RFPL1: variants seen among roughly 807,000 people sequenced by gnomAD.
The protein encoded by RFPL1 is ret finger protein-like 1.
Under a neutral mutation model 9.6 loss-of-function variants are expected in RFPL1, and 6 were observed. The ratio of observed to expected loss-of-function variants is 0.62; its 90% CI spans 0.34 to 1.23. The LOEUF is 1.23. Among genes scored for constraint, RFPL1 ranks in the 50% most tolerant of loss-of-function variants. The pLI, the probability that RFPL1 is intolerant of heterozygous loss-of-function variation, is 0.03. For missense variants in RFPL1, 352 were observed against 398.4 expected (o/e 0.88, Z 0.99); for synonymous variants, 145 against 149.4 (o/e 0.97, Z 0.22).
chr22:29,414,079 T>C, the RFPL1 span, among the ~76,000 whole-genome samples: 1 of 152,238 alleles, frequency 6.6e-6, no homozygotes, highest in African/African-American at 2.4e-5. Context: ...AATTTCTTTT[T>C]CTAACACTTT....
At chr22:29,395,897 T>C in the RFPL1 span, among the ~76,000 whole-genome samples, 1 of 151,998 alleles carries the variant, frequency 6.6e-6, no homozygotes, top group African/African-American at 2.4e-5. Flanking sequence ...TACTTGAACC[T>C]GGGTGGCAGA....
At chr22:29,389,673 A>AAG in the RFPL1 span, among the ~76,000 whole-genome samples, 2 of 148,530 alleles carry the variant, frequency 1.3e-5, no homozygotes, top group Non-Finnish European at 3.0e-5. Context: ...GCGACAGAGC[A>AAG]AGACTCCGTC....
the RFPL1 span, chr22:29,433,580 C>T: frequency 2.4e-4 from 39 of 163,808 alleles, no homozygotes; most frequent in Admixed American, 1.8e-3. Context: ...AACCTGCGCT[C>T]GGCCCACCAA....
the RFPL1 span, among the ~76,000 whole-genome samples, chr22:29,410,853 G>GA: frequency 4.0e-5 from 6 of 150,058 alleles, no homozygotes; most frequent in East Asian, 3.9e-4. Context: ...CCATCTGGGT[G>GA]AAAAAAAAAT....
the RFPL1 span, among the ~76,000 whole-genome samples, chr22:29,404,797 G>T: frequency 2.0e-5 from 3 of 152,186 alleles, no homozygotes; most frequent in Admixed American, 2.0e-4. Flanking sequence ...CCTGATCATA[G>T]CTCACTGCAG....
the RFPL1 span, among the ~76,000 whole-genome samples, chr22:29,411,222 A>C: frequency 6.6e-6 from 1 of 152,134 alleles, no homozygotes; most frequent in African/African-American, 2.4e-5. Flanking sequence ...ATTCTTACCA[A>C]ATAGTAAGGG....
chr22:29,420,093 T>G, the RFPL1 span, among the ~76,000 whole-genome samples: 3 of 152,220 alleles, frequency 2.0e-5, no homozygotes, highest in Non-Finnish European at 4.4e-5. Flanking sequence ...CTTTCCTGTT[T>G]TCCTCAAACC....
upstream of RFPL1, among the ~76,000 whole-genome samples, chr22:29,433,855 A>G (rs1335876304): frequency 6.6e-6 from 1 of 152,206 alleles, no homozygotes; most frequent in Non-Finnish European, 1.5e-5. Flanking sequence ...CTGGATATAC[A>G]AGCTTATAAT....
At chr22:29,406,853 G>A in the RFPL1 span, among the ~76,000 whole-genome samples, 17 of 152,144 alleles carry the variant, frequency 1.1e-4, no homozygotes, top group African/African-American at 3.4e-4. Flanking sequence ...GAGACGGCAC[G>A]GGATTTGGCC....
upstream of RFPL1, chr22:29,438,515 A>G (rs550240667): frequency 2.6e-5 from 28 of 1,092,794 alleles, no homozygotes; most frequent in East Asian, 1.4e-4. Flanking sequence ...TCATCAATCA[A>G]TCTCTTGCTG....
At chr22:29,400,903 A>C in the RFPL1 span, among the ~76,000 whole-genome samples, 2 of 152,186 alleles carry the variant, frequency 1.3e-5, no homozygotes, top group Non-Finnish European at 2.9e-5. Context: ...GCCCTGTGCT[A>C]GGTGAGGCCA....
At chr22:29,421,033 C>T in the RFPL1 span, among the ~76,000 whole-genome samples, 1 of 152,072 alleles carries the variant, frequency 6.6e-6, no homozygotes, top group Non-Finnish European at 1.5e-5. Flanking sequence ...CCCTCCATTT[C>T]GCAGTGAGCA....
upstream of RFPL1, among the ~76,000 whole-genome samples, chr22:29,434,001 TCACA>T (rs3216870): frequency 3.4e-5 from 5 of 149,010 alleles, no homozygotes; most frequent in East Asian, 2.0e-4. Context: ...TGACACACAC[TCACA>T]CACACACACA....
At chr22:29,411,235 T>C in the RFPL1 span, among the ~76,000 whole-genome samples, 1 of 151,892 alleles carries the variant, frequency 6.6e-6, no homozygotes, top group African/African-American at 2.4e-5. Context: ...AGTAAGGGGG[T>C]TGGGAGTGAT....
upstream of RFPL1, chr22:29,437,871 G>T: frequency 1.3e-6 from 1 of 742,342 alleles, no homozygotes. Context: ...TTGAAAACCA[G>T]TCACCCTGGA....
At chr22:29,391,435 A>G in the RFPL1 span, among the ~76,000 whole-genome samples, 1 of 152,154 alleles carries the variant, frequency 6.6e-6, no homozygotes, top group Non-Finnish European at 1.5e-5. Flanking sequence ...CTCTGATGAT[A>G]GATGTTGGTA....
chr22:29,432,004 AAGATAACT>A, the RFPL1 span, among the ~76,000 whole-genome samples: 5 of 152,130 alleles, frequency 3.3e-5, no homozygotes, highest in Non-Finnish European at 5.9e-5. Flanking sequence ...AGTTCTTAAT[AAGATAACT>A]TACATTCTCT....
At chr22:29,406,425 C>A in the RFPL1 span, among the ~76,000 whole-genome samples, 1 of 152,086 alleles carries the variant, frequency 6.6e-6, no homozygotes, top group African/African-American at 2.4e-5. Context: ...TACTAACATT[C>A]CCACATCTCA....
chr22:29,436,145 G>A (rs2062807453), upstream of RFPL1, among the ~76,000 whole-genome samples: 1 of 152,088 alleles, frequency 6.6e-6, no homozygotes, highest in Non-Finnish European at 1.5e-5. Flanking sequence ...AAGGGTAAGG[G>A]GGAGGGGAGC....
Sources: allele counts gnomAD v4.1 joint callset (sites outside exome capture counted in the v4.1 genomes callset), GRCh38; gene constraint gnomAD v4.1.1; transcripts MANE v1.5; gene names NCBI Gene and HGNC (gene_info 2026-07-23, HGNC 2026-07-21).